The following CBLB variants were observed in gnomAD, a reference collection of about 807,000 sequenced individuals.
The protein encoded by CBLB is E3 ubiquitin-protein ligase CBL-B.
Under a neutral mutation model 104.9 loss-of-function variants are expected in CBLB, and 31 were observed. The ratio of observed to expected loss-of-function variants is 0.30; its 90% confidence interval spans 0.22 to 0.40. CBLB has a LOEUF of 0.40. Among genes scored for constraint, CBLB ranks in the 10% least tolerant of loss-of-function variants. The pLI, the probability that CBLB is intolerant of heterozygous loss-of-function variation, is 1.00. For synonymous variants in CBLB, 440 were observed against 422.6 expected, an observed-to-expected ratio of 1.04 and a Z score of -0.51; for missense variants, 1,062 against 1,214.6, an observed-to-expected ratio of 0.87 and a Z score of 1.87.
Position 105,801,990 on chromosome 3 carries a change from T to C in CBLB, c.420-25448A>G, listed in dbSNP as rs535799743. 1.2e-4 allele frequency among the ~76,000 whole-genome samples: 19 copies of C among 152,264 alleles called. No homozygotes were observed. In the East Asian group the frequency reaches 3.3e-3, roughly 26 times the overall value. On this transcript the variant is annotated intron_variant, in intron 3 of 18. Coordinates refer to ENST00000394030, the MANE Select transcript of CBLB (RefSeq NM_170662.5). ...CCTTGTTCAAATGCGTGAATGAAAG[T>C]ATATATACATTTAAACCAGAAATGA...
chr3:105,848,243 T>C (rs913389606), intron 3 of CBLB, among the ~76,000 whole-genome samples: 1 of 152,092 alleles, frequency 6.6e-6, no homozygotes, highest in Admixed American at 6.6e-5. Flanking sequence ...GAAGGTTTAC[T>C]GTATCAGTCG....
rs1268294495 is a variant in CBLB at position 105,657,315 on chromosome 3, T to C, written c.*1655A>G. 4.6e-6 allele frequency: 1 copy of C among 218,642 alleles called. No homozygotes were observed. 13.5% of individuals were successfully genotyped at this position (218,642 alleles called of 1,614,324 possible). Reference sequence around the variant, plus strand: ...CTCTCTGATGCATCTTTTTATATCATGGTGGGTGTGAAGTGAAAAGAGGAG... The same window carrying C: ...CTCTCTGATGCATCTTTTTATATCACGGTGGGTGTGAAGTGAAAAGAGGAG... On this transcript the variant is annotated 3_prime_UTR_variant, in exon 19 of 19. Transcript: ENST00000394030.
At chr3:105,684,584 G>A (rs1166810275) in intron 14 of CBLB, among the ~76,000 whole-genome samples, 2 of 148,990 alleles carry the variant, frequency 1.3e-5, no homozygotes, top group South Asian at 2.1e-4. Context: ...ATGGTGTCTC[G>A]CTCTGTCACC....
chr3:105,709,207 T>C (rs1281648103), intron 10 of CBLB, among the ~76,000 whole-genome samples: 2 of 152,010 alleles, frequency 1.3e-5, no homozygotes, highest in Non-Finnish European at 2.9e-5. Context: ...TAATTTAACA[T>C]GATTAGGCTT....
chr3:105,737,716 C>T (rs2075106545), intron 7 of CBLB, among the ~76,000 whole-genome samples: 1 of 152,130 alleles, frequency 6.6e-6, no homozygotes, highest in East Asian at 1.9e-4. Context: ...TTGTAAGTTA[C>T]TCAAACACTT....
At chr3:105,794,800 C>T (rs1301091396) in intron 3 of CBLB, among the ~76,000 whole-genome samples, 1 of 152,110 alleles carries the variant, frequency 6.6e-6, no homozygotes, top group Non-Finnish European at 1.5e-5. Flanking sequence ...ATACATTCTA[C>T]CAAAACAGAG....
intron 3 of CBLB, among the ~76,000 whole-genome samples, chr3:105,814,232 CAG>C (rs1242544257): frequency 6.6e-6 from 1 of 152,012 alleles, no homozygotes; most frequent in African/African-American, 2.4e-5. Context: ...ATACGTGCAT[CAG>C]AGATAAGAAA....
rs183979245 is a variant in CBLB at position 105,656,929 on chromosome 3, G to A, written c.*2041C>T. ...TGAAAAATCATAATGACAAAACAGG[G>A]GTTCATAAAGCAAAAGAAAATTTGC... On this transcript the variant is annotated 3_prime_UTR_variant, in exon 19 of 19. Transcript: ENST00000394030. 11 of 215,378 alleles carry A rather than the reference G, an allele frequency of 5.1e-5. No homozygotes were observed. Among genetic ancestry groups the A allele is most frequent in the Non-Finnish European group, 6.5e-5 (7 of 106,906 alleles). 13.3% of individuals were successfully genotyped at this position (215,378 alleles called of 1,614,324 possible).
intron 2 of CBLB, among the ~76,000 whole-genome samples, chr3:105,859,719 G>T (rs1268716288): frequency 6.6e-6 from 1 of 150,588 alleles, no homozygotes; most frequent in Non-Finnish European, 1.5e-5. Flanking sequence ...GTTAGAAGAG[G>T]TTTCTTATTA....
In CBLB at chr3:105,809,719, T is replaced by C. The variant is rs571997475; in HGVS notation, c.420-33177A>G. Among the ~76,000 whole-genome samples the C allele has an allele frequency of 1.6e-4, 25 of 152,194 alleles. 1 individual carries two copies. The South Asian group carries it at 5.3e-3, about 32-fold the overall frequency. On this transcript the variant is annotated intron_variant, in intron 3 of 18. Coordinates refer to ENST00000394030, the MANE Select transcript of CBLB (RefSeq NM_170662.5). Reference sequence around the variant, plus strand: ...AAGCTGCCAAACACTGTTCTTATTGTTTTCCTTTACAAATCCTGGTTGGTT... The same window carrying C: ...AAGCTGCCAAACACTGTTCTTATTGCTTTCCTTTACAAATCCTGGTTGGTT...
intron 1 of CBLB, chr3:105,868,118 AGC>A (rs1346808440): frequency 1.8e-5 from 13 of 716,496 alleles, no homozygotes; most frequent in Non-Finnish European, 2.5e-5. Context: ...TGTCAACAAA[AGC>A]GCAGGGCATG....
intron 3 of CBLB, among the ~76,000 whole-genome samples, chr3:105,841,595 G>C (rs1010303112): frequency 4.0e-4 from 61 of 151,850 alleles, no homozygotes; most frequent in African/African-American, 1.4e-3. Context: ...TGGGACTACA[G>C]GCACCCGCCA....
At chr3:105,867,271 T>C in intron 2 of CBLB, 139 bp downstream of exon 2, 1 of 926,710 alleles carries the variant, frequency 1.1e-6, no homozygotes, top group Non-Finnish European at 1.7e-6. Context: ...AAACACAGAG[T>C]TGAAGAAAAA....
At chr3:105,721,867 C>T (rs1399744529) in intron 9 of CBLB, among the ~76,000 whole-genome samples, 3 of 151,902 alleles carry the variant, frequency 2.0e-5, no homozygotes, top group African/African-American at 7.3e-5. Context: ...TATATATTAT[C>T]ATTTAGGCAA....
At chr3:105,855,415 C>A (rs1461840907) in intron 2 of CBLB, among the ~76,000 whole-genome samples, 2 of 152,014 alleles carry the variant, frequency 1.3e-5, no homozygotes, top group Non-Finnish European at 2.9e-5. Flanking sequence ...ATGGTCTTAC[C>A]ACAGAAAGGT....
intron 4 of CBLB, among the ~76,000 whole-genome samples, chr3:105,775,479 G>T (rs1027840050): frequency 6.6e-5 from 10 of 152,198 alleles, no homozygotes; most frequent in Non-Finnish European, 1.3e-4. Context: ...ATCAGTTAAA[G>T]GACAAATACA....
intron 11 of CBLB, among the ~76,000 whole-genome samples, chr3:105,703,657 T>C (rs1218246216): frequency 6.6e-6 from 1 of 152,186 alleles, no homozygotes; most frequent in African/African-American, 2.4e-5. Context: ...AAAATGAGCG[T>C]AAAATATCAT....
intron 5 of CBLB, among the ~76,000 whole-genome samples, chr3:105,746,895 CAGAT>C (rs1226496335): frequency 6.6e-6 from 1 of 152,188 alleles, no homozygotes; most frequent in Admixed American, 6.5e-5. Flanking sequence ...TGTCATTGAA[CAGAT>C]AGATCCTCTA....
chr3:105,678,737 T>A (rs1478087970), intron 16 of CBLB, among the ~76,000 whole-genome samples, 166 bp from the exon 17 acceptor site: 3 of 152,212 alleles, frequency 2.0e-5, no homozygotes, highest in Admixed American at 6.5e-5. Context: ...AATTATTTTG[T>A]GGGAGAGTCT....
Sources: gnomAD v4.1 joint callset for allele counts (sites outside exome capture counted in the v4.1 genomes callset) on GRCh38, gnomAD v4.1.1 for gene constraint, MANE v1.5 for transcripts, NCBI Gene and HGNC (gene_info 2026-07-23, HGNC 2026-07-21) for gene names.